Variants in TGM4 observed in about 807,000 individuals in gnomAD.
TGM4 encodes the protein transglutaminase 4.
Under a neutral mutation model 76.3 loss-of-function variants are expected in TGM4, and 61 were observed. The observed-to-expected ratio is 0.80, with a 90% CI of 0.65 to 0.99. The LOEUF is 0.99. Among genes scored for constraint, TGM4 ranks in the 50% least tolerant of loss-of-function variants. TGM4 has a pLI of 0.00. For synonymous variants in TGM4, 337 were observed against 329.8 expected (o/e 1.02, Z -0.24); for missense variants, 794 against 843.2 (o/e 0.94, Z 0.72).
At chr3:44,890,800 A>G in intron 4 of TGM4, 68 bp downstream of exon 4, 3 of 1,578,994 alleles carry the variant, frequency 1.9e-6, no homozygotes, top group African/African-American at 1.3e-5. Context: ...TGTGCAATGC[A>G]TAGTCTATGA....
chr3:44,913,641 T>C lies in TGM4; in HGVS notation c.1971T>C (p.Thr657=). ...AAATAAAATGCACCCCAATAAAAACTGGACCCAAGAAATTTATCGTCAAGT... is the reference window on the plus strand; with the variant it reads ...AAATAAAATGCACCCCAATAAAAACCGGACCCAAGAAATTTATCGTCAAGT... ...QSQIKCTPIK[T]GPKKFIVKLS... is the part of the protein sequence containing the mutation. Residue 657 remains threonine, a synonymous_variant, in exon 14 of 14, where the codon ACT becomes ACC. Transcript: ENST00000296125. The C allele has an allele frequency of 6.2e-7, 1 of 1,614,188 alleles. No homozygotes were observed. Among genetic ancestry groups the C allele is most frequent in the Non-Finnish European group, 8.5e-7 (1 of 1,180,024 alleles).
chr3:44,907,246 C>T, intron 10 of TGM4, 46 bp downstream of exon 10: 1 of 1,592,814 alleles, frequency 6.3e-7, no homozygotes, highest in Non-Finnish European at 8.5e-7. Flanking sequence ...CTGAGTCACC[C>T]AGAACATGAA....
intron 1 of TGM4, among the ~76,000 whole-genome samples, chr3:44,883,204 G>C (rs1189046313): frequency 1.3e-5 from 2 of 152,182 alleles, no homozygotes; most frequent in East Asian, 3.8e-4. Context: ...AAGCCTTTCA[G>C]GATTGCAGCT....
In TGM4 at chr3:44,907,008, G is replaced by A. The variant is rs775116447; in HGVS notation, c.1135G>A (p.Val379Ile). ...TAIRKGDIFI[V>I]YDTRFVFSEV... ...CATCCGCAAAGGTGACATCTTTATT[G>A]TCTATGACACCAGATTCGTCTTCTC... The change falls in exon 10 of 14, where the codon GTC becomes ATC. Residue 379 changes from valine (V) to isoleucine (I), a missense_variant. Val to Ile is a conservative substitution (Grantham distance 29). Transcript: ENST00000296125. 1.9e-6 allele frequency: 3 copies of A among 1,614,016 alleles called. No individual in the cohort carries two copies. Among genetic ancestry groups the A allele is most frequent in the Non-Finnish European group, 2.5e-6 (3 of 1,180,028 alleles).
intron 8 of TGM4, 84 bp from the exon 9 acceptor site, chr3:44,903,800 G>A (rs2125757935): frequency 4.0e-6 from 5 of 1,258,002 alleles, no homozygotes; most frequent in Non-Finnish European, 5.8e-6. Context: ...CGGTGATGAA[G>A]ATGTCTCTGG....
chr3:44,876,127 T>TC (rs1346432226), intron 1 of TGM4, among the ~76,000 whole-genome samples: 1 of 152,154 alleles, frequency 6.6e-6, no homozygotes, highest in Admixed American at 6.5e-5. Context: ...TTGACTGAGG[T>TC]CCCAGCCATG....
chr3:44,892,648 G>A (rs1038157855), intron 4 of TGM4, among the ~76,000 whole-genome samples: 6 of 152,124 alleles, frequency 3.9e-5, no homozygotes, highest in Admixed American at 6.5e-5. Flanking sequence ...TGGGATTATA[G>A]GCATGAGGCA....
At chr3:44,879,238 T>A (rs913801852) in intron 1 of TGM4, among the ~76,000 whole-genome samples, 1 of 81,286 alleles carries the variant, frequency 1.2e-5, no homozygotes, top group Non-Finnish European at 2.4e-5. Context: ...TATTTTATGG[T>A]CTCTCTCTCT....
chr3:44,880,286 T>C (rs1002378440), intron 1 of TGM4, among the ~76,000 whole-genome samples: 7 of 152,246 alleles, frequency 4.6e-5, no homozygotes, highest in African/African-American at 1.4e-4. Context: ...CCAAAGAAGA[T>C]TGGCGTTTAT....
intron 3 of TGM4, chr3:44,889,037 G>A (rs188372895): frequency 1.1e-4 from 17 of 151,836 alleles, no homozygotes; most frequent in Admixed American, 5.9e-4. Flanking sequence ...CAAAGAAGGG[G>A]GCCTGTTATC....
At chr3:44,876,412 T>A (rs1284978556) in intron 1 of TGM4, 1 of 152,226 alleles carries the variant, frequency 6.6e-6, no homozygotes, top group African/African-American at 2.4e-5. Flanking sequence ...TTTCATTTGT[T>A]CTTCCAACCA....
chr3:44,902,144 A>G (rs1049379727), intron 8 of TGM4, among the ~76,000 whole-genome samples: 2 of 152,178 alleles, frequency 1.3e-5, no homozygotes, highest in South Asian at 2.1e-4. Flanking sequence ...CCCAGTCTCC[A>G]GGCCCTCCCA....
rs540408757 is a variant in TGM4 at position 44,891,382 on chromosome 3, A to C, written c.430+650A>C. Among the ~76,000 whole-genome samples the C allele has an allele frequency of 8.6e-5, 13 of 151,778 alleles. No homozygotes were observed. The Middle Eastern group carries it at 0.01, about 119-fold the overall frequency. ...CTCTTTTTTTTTAACTTGTATTTGG[A>C]AATGATTTTGAGCTCACAGAAAAGT... On this transcript the variant is annotated intron_variant, in intron 4 of 13. Coordinates refer to ENST00000296125, the MANE Select transcript of TGM4 (RefSeq NM_003241.4).
chr3:44,893,845 G>A, intron 5 of TGM4, 150 bp downstream of exon 5: 1 of 740,398 alleles, frequency 1.4e-6, no homozygotes, highest in Non-Finnish European at 2.4e-6. Context: ...CCATAGAGGG[G>A]TGACCTGCCT....
chr3:44,875,811 C>T (rs1216898548), intron 1 of TGM4, among the ~76,000 whole-genome samples: 1 of 152,194 alleles, frequency 6.6e-6, no homozygotes, highest in Non-Finnish European at 1.5e-5. Context: ...ATAAATCAGA[C>T]TCTTCTTTTT....
chr3:44,879,473 A>ATTTTTTTTT (rs1184527794), intron 1 of TGM4, among the ~76,000 whole-genome samples: 11 of 123,720 alleles, frequency 8.9e-5, no homozygotes, highest in Admixed American at 3.2e-4. Context: ...AGCCTGGCTA[A>ATTTTTTTTT]TTTTTTTTTT....
chr3:44,886,613 T>G (rs138905889), intron 2 of TGM4, among the ~76,000 whole-genome samples: 4 of 152,322 alleles, frequency 2.6e-5, no homozygotes, highest in Admixed American at 2.6e-4. Context: ...CCTGGGTCCA[T>G]GTGCATTCCC....
intron 2 of TGM4, among the ~76,000 whole-genome samples, chr3:44,887,421 C>T (rs1699623275): frequency 6.6e-6 from 1 of 152,196 alleles, no homozygotes. Flanking sequence ...GAGGCAGGAG[C>T]TCTAGGGAGA....
rs145453656 is a variant in TGM4 at position 44,901,619 on chromosome 3, G to A, written c.753G>A (p.Pro251=). The change falls in exon 7 of 14, where the codon CCG becomes CCA. Residue 251 remains proline (P), a synonymous_variant. Transcript: ENST00000296125. ...CATACAAGTGGACAGGCAGTGCCCC[G>A]ATCCTGCAGCAGTACTACAACACGA... ...TAPYKWTGSA[P]ILQQYYNTKQ... is the part of the protein sequence containing the mutation. 1.1e-4 allele frequency: 174 copies of A among 1,614,150 alleles called. 1 individual carries two copies. In the African/African-American group the frequency reaches 2.0e-3, roughly 18 times the overall value.
Sources: gnomAD v4.1 joint callset for allele counts (sites outside exome capture counted in the v4.1 genomes callset) on GRCh38, gnomAD v4.1.1 for gene constraint, MANE v1.5 for transcripts, NCBI Gene and HGNC (gene_info 2026-07-23, HGNC 2026-07-21) for gene names.